The following TBC1D2 variants were observed in gnomAD, a reference collection of about 807,000 sequenced individuals.
TBC1D2 encodes the protein TBC1 domain family member 2A.
TBC1D2 carries 58 observed loss-of-function variants against 91.1 expected under a neutral mutation model. The ratio of observed to expected loss-of-function variants is 0.64; its 90% CI spans 0.52 to 0.79. The LOEUF (loss-of-function observed/expected upper bound fraction) is 0.79, where lower values mean the gene tolerates loss of function less well. Ranked by LOEUF, TBC1D2 falls within the 30% of genes least tolerant of loss-of-function variation. TBC1D2 has a pLI of 0.00. For synonymous variants in TBC1D2, 482 were observed against 511.5 expected (o/e 0.94, Z 0.78); for missense variants, 1,080 against 1,208.3 (o/e 0.89, Z 1.57).
chr9:98,211,033 G>GAGGCCC (rs1828824180), intron 7 of TBC1D2, among the ~76,000 whole-genome samples, 190 bp from the exon 8 acceptor site: 1 of 152,234 alleles, frequency 6.6e-6, no homozygotes, highest in Non-Finnish European at 1.5e-5. Context: ...GCAGGCAAGA[G>GAGGCCC]AGGCCCAGGC....
At chr9:98,244,369 G>A (rs991547320) in intron 2 of TBC1D2, among the ~76,000 whole-genome samples, 6 of 152,112 alleles carry the variant, frequency 3.9e-5, no homozygotes, top group Admixed American at 1.3e-4. Context: ...TTAAAAATAT[G>A]CAGACCTGGC....
In TBC1D2 at chr9:98,219,099, C is replaced by T. The variant is rs554976130; in HGVS notation, c.1374+1734G>A. ...TTCAGACTAAATAAGGGAAAAGATT[C>T]GGGAACTGGTTATGTGGGTTTTCAG... On this transcript the variant is annotated intron_variant, in intron 6 of 12. Coordinates refer to ENST00000465784, the MANE Select transcript of TBC1D2 (RefSeq NM_001267571.2). 1.0e-3 allele frequency among the ~76,000 whole-genome samples: 156 copies of T among 152,252 alleles called. 2 individuals carry two copies. Among genetic ancestry groups the T allele is most frequent in the Middle Eastern group, 6.8e-3 (2 of 294 alleles).
At chr9:98,224,653 T>C (rs1360030086) in intron 5 of TBC1D2, among the ~76,000 whole-genome samples, 2 of 152,176 alleles carry the variant, frequency 1.3e-5, no homozygotes, top group African/African-American at 2.4e-5. Context: ...TGGTCATAAG[T>C]TGTCACTTTA....
At chr9:98,238,953 C>T (rs534393217) in intron 3 of TBC1D2, among the ~76,000 whole-genome samples, 4 of 152,216 alleles carry the variant, frequency 2.6e-5, no homozygotes, top group Middle Eastern at 3.4e-3. Context: ...AAACTCCTGA[C>T]CTCAGGTGAT....
chr9:98,234,713 G>A (rs1301548035), intron 3 of TBC1D2: 3 of 152,270 alleles, frequency 2.0e-5, no homozygotes, highest in Non-Finnish European at 4.4e-5. Flanking sequence ...GTCGTCATGC[G>A]GCGCACATCT....
intron 3 of TBC1D2, among the ~76,000 whole-genome samples, chr9:98,240,740 G>A (rs528058479): frequency 1.2e-3 from 181 of 152,290 alleles, no homozygotes; most frequent in Non-Finnish European, 2.1e-3. Flanking sequence ...TTAGGGCAGC[G>A]AAAGGCCTTC....
rs528686777 is a variant in TBC1D2 at position 98,208,455 on chromosome 9, C to T, written c.2150+213G>A. Among the ~76,000 whole-genome samples, 9 of 152,280 alleles carry T rather than the reference C, an allele frequency of 5.9e-5. No homozygotes were observed. In the East Asian group the frequency reaches 1.4e-3, roughly 23 times the overall value. On this transcript the variant is annotated intron_variant, in intron 9 of 12. Transcript: ENST00000465784. ...ACCTAGATCCCTCGCATGCAGAGTT[C>T]ACAATAGGGTTCACGCTCCTGTGAG...
At chr9:98,255,079 T>G in intron 1 of TBC1D2, 94 bp downstream of exon 1, 4 of 1,495,724 alleles carry the variant, frequency 2.7e-6, no homozygotes, top group Non-Finnish European at 3.6e-6. Context: ...ACACTCCAAA[T>G]TTACTGTGTC....
chr9:98,250,959 A>G (rs1032888187), intron 2 of TBC1D2, among the ~76,000 whole-genome samples: 3 of 152,106 alleles, frequency 2.0e-5, no homozygotes, highest in African/African-American at 7.2e-5. Flanking sequence ...TCTGGGGGAA[A>G]AGGATCCTAT....
rs1554754387 is a variant in TBC1D2, at chr9:98,232,343, T to TTTTTTTTTTTTG, written c.781+1072_781+1073insCAAAAAAAAAAA. ...TTCTTTTCTTCTTTCTCTTTTTCTG[T>TTTTTTTTTTTTG]TTTTTTTTTTGACAGTGTCTCACTC... On this transcript the variant is annotated intron_variant, in intron 4 of 12. Coordinates refer to ENST00000465784, the MANE Select transcript of TBC1D2 (RefSeq NM_001267571.2). 2.4e-3 allele frequency among the ~76,000 whole-genome samples: 259 copies of TTTTTTTTTTTTG among 108,560 alleles called. 6 individuals carry two copies. The highest frequency in any genetic ancestry group is 8.4e-3 in the African/African-American group (172 of 20,582). 71.2% of individuals were successfully genotyped at this position (108,560 alleles called of 152,430 possible). A position where few individuals can be genotyped will look rare whatever the true frequency, so the allele number is the denominator to read the frequency against.
intron 8 of TBC1D2, among the ~76,000 whole-genome samples, chr9:98,209,795 T>TTCCTTC (rs1588034267): frequency 1.1e-4 from 10 of 88,048 alleles, no homozygotes; most frequent in African/African-American, 4.9e-4. Context: ...TTCCTTCCTT[T>TTCCTTC]CTTTTTCTTT....
At chr9:98,243,651 C>T (rs1829700006) in intron 3 of TBC1D2, among the ~76,000 whole-genome samples, 1 of 151,812 alleles carries the variant, frequency 6.6e-6, no homozygotes, top group African/African-American at 2.4e-5. Context: ...ATTCTCCTGC[C>T]TCAGCCTCCT....
At chr9:98,199,983 G>A (rs933746471) in intron 12 of TBC1D2, among the ~76,000 whole-genome samples, 3 of 152,308 alleles carry the variant, frequency 2.0e-5, no homozygotes, top group East Asian at 1.9e-4. Flanking sequence ...CTAGGAACTC[G>A]TATAATTCTG....
At chr9:98,249,510 C>T (rs1304213566) in intron 2 of TBC1D2, among the ~76,000 whole-genome samples, 1 of 152,204 alleles carries the variant, frequency 6.6e-6, no homozygotes, top group East Asian at 1.9e-4. Context: ...TTTCTGCTGG[C>T]CTCTAGTCTG....
At chr9:98,217,097 G>C (rs1193133976) in intron 6 of TBC1D2, among the ~76,000 whole-genome samples, 1 of 152,234 alleles carries the variant, frequency 6.6e-6, no homozygotes, top group Non-Finnish European at 1.5e-5. Context: ...CAGGGAGGCA[G>C]AGTGAGCACA....
rs1828463606 is a variant in TBC1D2, at chr9:98,200,486, G to A, written c.2458-112C>T. On this transcript the variant is annotated intron_variant, in intron 11 of 12. Coordinates refer to ENST00000465784, the MANE Select transcript of TBC1D2 (RefSeq NM_001267571.2). ...TATGGAAGACCCTGGACTGGCTGCGGAAGTTGAGGCCTGGAGGCACAATGT... is the reference window on the plus strand; with the variant it reads ...TATGGAAGACCCTGGACTGGCTGCGAAAGTTGAGGCCTGGAGGCACAATGT... The A allele has an allele frequency of 6.6e-6, 6 of 904,206 alleles. 1 individual carries two copies. In the South Asian group the frequency reaches 9.0e-5, roughly 13 times the overall value. 56.0% of individuals were successfully genotyped at this position (904,206 alleles called of 1,614,324 possible).
chr9:98,224,196 C>CAAAAA (rs1217448010), intron 5 of TBC1D2, among the ~76,000 whole-genome samples: 2 of 53,174 alleles, frequency 3.8e-5, no homozygotes, highest in East Asian at 5.2e-4. Flanking sequence ...GACTCCATCT[C>CAAAAA]AAAAAAAAAA....
At chr9:98,212,562 C>A (rs1020887764) in intron 7 of TBC1D2, among the ~76,000 whole-genome samples, 3 of 151,402 alleles carry the variant, frequency 2.0e-5, no homozygotes, top group African/African-American at 7.3e-5. Flanking sequence ...AGTGCAGTGG[C>A]GCAATCTCGG....
At chr9:98,213,329 A>G in intron 6 of TBC1D2, 111 bp from the exon 7 acceptor site, 1 of 1,524,806 alleles carries the variant, frequency 6.6e-7, no homozygotes, top group South Asian at 1.2e-5. Context: ...GAAATTTCCA[A>G]TAATGGCAAC....
Sources: allele counts gnomAD v4.1 joint callset (sites outside exome capture counted in the v4.1 genomes callset), GRCh38; gene constraint gnomAD v4.1.1; transcripts MANE v1.5; gene names NCBI Gene and HGNC (gene_info 2026-07-23, HGNC 2026-07-21).